SRSF12: variants seen among roughly 807,000 people sequenced by gnomAD.
SRSF12 encodes serine/arginine-rich splicing factor 12.
Under a neutral mutation model 34.1 loss-of-function variants are expected in SRSF12, and 21 were observed. The ratio of observed to expected loss-of-function variants is 0.62; its 90% CI spans 0.44 to 0.89. SRSF12 has a LOEUF of 0.89. SRSF12 is among the 40% of genes least tolerant of loss of function. SRSF12 has a pLI of 0.00. For synonymous variants in SRSF12, 111 were observed against 110.8 expected, an observed-to-expected ratio of 1.00 and a Z score of -0.01; for missense variants, 278 against 327.8, an observed-to-expected ratio of 0.85 and a Z score of 1.17.
chr6:89,117,861 G>A lies in SRSF12; in HGVS notation c.27C>T (p.Asn9=). The A allele has an allele frequency of 6.4e-7, 1 of 1,562,782 alleles. No individual in the cohort carries two copies. The highest frequency in any genetic ancestry group is 8.6e-7 in the Non-Finnish European group (1 of 1,156,782). The part of the protein sequence containing the change: MSRYTRPP[N]TSLFIRNVAD... Reference sequence around the variant, plus strand: ...CGACGTTCCTGATGAACAGGGAGGTGTTGGGGGGCCTCGTGTAGCGAGACA... The same window carrying A: ...CGACGTTCCTGATGAACAGGGAGGTATTGGGGGGCCTCGTGTAGCGAGACA... Residue 9 remains asparagine (N), a synonymous_variant, in exon 1 of 5, where the codon AAC becomes AAT. Coordinates refer to ENST00000452027, the MANE Select transcript of SRSF12 (RefSeq NM_080743.5).
At chr6:89,100,427 G>A (rs1768487787) in intron 4 of SRSF12, among the ~76,000 whole-genome samples, 1 of 152,134 alleles carries the variant, frequency 6.6e-6, no homozygotes, top group East Asian at 1.9e-4. Flanking sequence ...AAAGTGATCT[G>A]CCAGTACTCT....
intron 4 of SRSF12, among the ~76,000 whole-genome samples, chr6:89,103,435 T>A (rs569286749): frequency 6.6e-6 from 1 of 152,100 alleles, no homozygotes; most frequent in Non-Finnish European, 1.5e-5. Context: ...TTCAAGCGAT[T>A]CTCCTGCCTC....
Position 89,110,671 on chromosome 6 carries a change from G to A in SRSF12, c.66-3413C>T, listed in dbSNP as rs181956157. ...CAGTTCTAGGAAGTCACTGTGAATC[G>A]GCCTTAGGTTCCCTGCCTCCAGACC... On this transcript the variant is annotated intron_variant, in intron 1 of 4. Transcript: ENST00000452027. Among the ~76,000 whole-genome samples the A allele has an allele frequency of 2.9e-4, 44 of 152,220 alleles. No homozygotes were observed. In the East Asian group the frequency reaches 3.9e-3, roughly 13 times the overall value.
At chr6:89,114,321 G>A (rs561440252) in intron 1 of SRSF12, among the ~76,000 whole-genome samples, 3 of 152,204 alleles carry the variant, frequency 2.0e-5, no homozygotes, top group Admixed American at 1.3e-4. Flanking sequence ...CCAGCTACTC[G>A]GGAGGCTGAG....
At chr6:89,115,741 A>T (rs1176642809) in intron 1 of SRSF12, among the ~76,000 whole-genome samples, 2 of 147,756 alleles carry the variant, frequency 1.4e-5, no homozygotes, top group Admixed American at 1.4e-4. Context: ...GGTTCACACC[A>T]TTATCCTGCC....
intron 2 of SRSF12, chr6:89,105,772 C>T (rs1269774233): frequency 3.9e-6 from 1 of 253,186 alleles, no homozygotes; most frequent in Non-Finnish European, 7.5e-6. Flanking sequence ...TGTAACTGTA[C>T]TTTTAGTGTC....
rs372206691 is a variant in SRSF12 at position 89,109,895 on chromosome 6, T to A, written c.66-2637A>T. Reference sequence around the variant, plus strand: ...TTACGAGGTCAGGAGATCGAGACCATCTTGGCTAAGAGGGTGAAACCCCAT... The same window carrying A: ...TTACGAGGTCAGGAGATCGAGACCAACTTGGCTAAGAGGGTGAAACCCCAT... On this transcript the variant is annotated intron_variant, in intron 1 of 4. Coordinates refer to ENST00000452027, the MANE Select transcript of SRSF12 (RefSeq NM_080743.5). 1.9e-3 allele frequency among the ~76,000 whole-genome samples: 286 copies of A among 152,174 alleles called. 3 individuals are homozygous for A. Among genetic ancestry groups the A allele is most frequent in the African/African-American group, 6.2e-3 (258 of 41,510 alleles).
intron 4 of SRSF12, among the ~76,000 whole-genome samples, chr6:89,099,515 TAC>T (rs59572395): frequency 0.8 from 106,417 of 132,784 alleles, 43,173 homozygotes; most frequent in African/African-American, 0.92. Context: ...TATATATATA[TAC>T]ACACACACAC....
At chr6:89,099,135 A>G (rs1768392397) in intron 4 of SRSF12, among the ~76,000 whole-genome samples, 188 bp from the exon 5 acceptor site, 1 of 152,036 alleles carries the variant, frequency 6.6e-6, no homozygotes, top group African/African-American at 2.4e-5. Context: ...AATATTTGTT[A>G]TACTAGAATA....
chr6:89,112,292 C>A (rs572115979), intron 1 of SRSF12, among the ~76,000 whole-genome samples: 1 of 151,990 alleles, frequency 6.6e-6, no homozygotes, highest in Non-Finnish European at 1.5e-5. Context: ...ATTCACAAAG[C>A]CTTTTAGTGT....
Position 89,105,264 on chromosome 6 carries a change from G to T in SRSF12, c.275-4C>A. The T allele has an allele frequency of 1.2e-6, 2 of 1,603,132 alleles. No individual in the cohort carries two copies. Among genetic ancestry groups the T allele is most frequent in the South Asian group, 1.1e-5 (1 of 90,274 alleles). On this transcript the variant is annotated splice_region_variant and splice_polypyrimidine_tract_variant and intron_variant, in intron 3 of 4. Transcript: ENST00000452027. ...TTTGATTTCATTTGGCCTGGTGCTGGAACATAAAGAACAAGACTTATGACA... is the reference window on the plus strand; with the variant it reads ...TTTGATTTCATTTGGCCTGGTGCTGTAACATAAAGAACAAGACTTATGACA...
At chr6:89,115,076 G>T (rs568968991) in intron 1 of SRSF12, among the ~76,000 whole-genome samples, 1 of 151,872 alleles carries the variant, frequency 6.6e-6, no homozygotes, top group Admixed American at 6.6e-5. Context: ...GATTATAGGC[G>T]TGAGCCACCA....
At chr6:89,114,984 G>C (rs1769225981) in intron 1 of SRSF12, among the ~76,000 whole-genome samples, 2 of 152,076 alleles carry the variant, frequency 1.3e-5, no homozygotes, top group African/African-American at 4.8e-5. Flanking sequence ...CTTTAGTAGA[G>C]ACGGTGTTTT....
chr6:89,096,518 T>G lies in SRSF12; in HGVS notation c.*2060A>C, dbSNP rs1456090268. 1 of 152,174 alleles carries G rather than the reference T, an allele frequency of 6.6e-6. No individual in the cohort carries two copies. The highest frequency in any genetic ancestry group is 2.4e-5 in the African/African-American group (1 of 41,438). The allele number at this position is 152,174 out of a possible 1,614,324, so 9.4% of individuals were successfully genotyped here. A position where few individuals can be genotyped will look rare whatever the true frequency, so the allele number is the denominator to read the frequency against. ...TTTTTCATCAAACCAAATGGTATCCTCCTAAGCAGCCCAGGGATTACAATG... is the reference window on the plus strand; with the variant it reads ...TTTTTCATCAAACCAAATGGTATCCGCCTAAGCAGCCCAGGGATTACAATG... On this transcript the variant is annotated 3_prime_UTR_variant, in exon 5 of 5. Coordinates refer to ENST00000452027, the MANE Select transcript of SRSF12 (RefSeq NM_080743.5).
intron 4 of SRSF12, among the ~76,000 whole-genome samples, chr6:89,101,800 A>G (rs1318924850): frequency 2.6e-5 from 4 of 152,246 alleles, no homozygotes; most frequent in Non-Finnish European, 5.9e-5. Context: ...CACTATGGGT[A>G]TCAGAAAAAC....
rs535638743 is a variant in SRSF12 at position 89,096,799 on chromosome 6, C to A, written c.*1779G>T. On this transcript the variant is annotated 3_prime_UTR_variant, in exon 5 of 5. Transcript: ENST00000452027. The stretch of plus-strand genomic sequence containing the variant: ...TGGTGTGAGCCACTGTGCCCAGCCC[C>A]TAGTTTTTAAAATGATTTCACTTAT... 3 of 152,266 alleles carry A rather than the reference C, an allele frequency of 2.0e-5. No individual in the cohort carries two copies. The East Asian group carries it at 5.8e-4, about 29-fold the overall frequency. 9.4% of individuals were successfully genotyped at this position (152,266 alleles called of 1,614,324 possible). A position where few individuals can be genotyped will look rare whatever the true frequency, so the allele number is the denominator to read the frequency against.
chr6:89,104,383 C>T (rs1051431572), intron 4 of SRSF12, among the ~76,000 whole-genome samples: 29 of 151,920 alleles, frequency 1.9e-4, no homozygotes, highest in African/African-American at 6.8e-4. Context: ...ATTACAGGTG[C>T]GTGGCTACCA....
At chr6:89,103,064 A>C (rs570455094) in intron 4 of SRSF12, among the ~76,000 whole-genome samples, 3 of 151,894 alleles carry the variant, frequency 2.0e-5, no homozygotes, top group Non-Finnish European at 4.4e-5. Flanking sequence ...GCACCTGGCC[A>C]TAAGACAGTT....
chr6:89,108,793 T>A (rs1466835184), intron 1 of SRSF12, among the ~76,000 whole-genome samples: 4 of 152,226 alleles, frequency 2.6e-5, no homozygotes, highest in Admixed American at 6.5e-5. Flanking sequence ...TATATGCATA[T>A]TAATTAGTGT....
Sources: gnomAD v4.1 joint callset for allele counts (sites outside exome capture counted in the v4.1 genomes callset) on GRCh38, gnomAD v4.1.1 for gene constraint, MANE v1.5 for transcripts, NCBI Gene and HGNC (gene_info 2026-07-23, HGNC 2026-07-21) for gene names.